Variants in CIROZ observed in about 807,000 individuals in gnomAD.
The protein encoded by CIROZ is ciliated left-right organizer ZP-N domains-containing protein.
the CIROZ span, chr1:10,964,021 G>A: frequency 7.2e-6 from 10 of 1,386,514 alleles, no homozygotes; most frequent in Non-Finnish European, 9.8e-6. Context: ...TGTCTCCCTG[G>A]GCCACGTCCT....
the CIROZ span, among the ~76,000 whole-genome samples, chr1:10,975,429 A>C: frequency 8.2e-5 from 12 of 145,702 alleles, no homozygotes; most frequent in East Asian, 4.0e-4. Flanking sequence ...AAAAAAAAAA[A>C]AACACAAAAA....
the CIROZ span, among the ~76,000 whole-genome samples, chr1:10,975,873 G>A: frequency 9.8e-5 from 14 of 142,754 alleles, no homozygotes; most frequent in Non-Finnish European, 1.6e-4. Context: ...CCCGGCACAC[G>A]ACACACGCTC....
At chr1:10,966,548 A>G in the CIROZ span, 19 of 1,452,042 alleles carry the variant, frequency 1.3e-5, no homozygotes, top group Admixed American at 2.6e-5. Context: ...GCAGGGTCAG[A>G]AATATCAGAC....
the CIROZ span, among the ~76,000 whole-genome samples, chr1:10,947,341 G>A: frequency 1.3e-5 from 2 of 152,244 alleles, no homozygotes; most frequent in Admixed American, 1.3e-4. Context: ...CCTGCACTCA[G>A]CGCCTCTTCC....
the CIROZ span, among the ~76,000 whole-genome samples, chr1:10,969,149 G>A: frequency 6.6e-6 from 1 of 152,088 alleles, no homozygotes; most frequent in Non-Finnish European, 1.5e-5. Flanking sequence ...TCCCTAGGAG[G>A]TTTTCCTAGA....
the CIROZ span, among the ~76,000 whole-genome samples, chr1:10,969,710 G>A: frequency 6.6e-6 from 1 of 152,188 alleles, no homozygotes; most frequent in African/African-American, 2.4e-5. Context: ...GCCTTCTGTT[G>A]GGAAGAGGGG....
chr1:10,964,321 TTAA>T, the CIROZ span: 3 of 1,549,868 alleles, frequency 1.9e-6, no homozygotes, highest in African/African-American at 4.1e-5. Flanking sequence ...GAAAATACAG[TTAA>T]TAGCCTGCAA....
the CIROZ span, among the ~76,000 whole-genome samples, chr1:10,980,885 C>G: frequency 1.3e-5 from 2 of 152,240 alleles, no homozygotes; most frequent in Non-Finnish European, 2.9e-5. Flanking sequence ...GGCAATGGGT[C>G]CCCAGGACAG....
the CIROZ span, chr1:10,964,089 G>A: frequency 1.9e-6 from 3 of 1,605,608 alleles, no homozygotes; most frequent in African/African-American, 2.7e-5. Flanking sequence ...CAGCCTGGGA[G>A]GTCCCTCTGC....
chr1:10,948,649 G>A, the CIROZ span: 112 of 1,613,406 alleles, frequency 6.9e-5, no homozygotes, highest in South Asian at 6.9e-4. Flanking sequence ...GGACGTGGCC[G>A]CCAGGGACTA....
At chr1:10,957,024 C>T in the CIROZ span, 7 of 1,550,764 alleles carry the variant, frequency 4.5e-6, no homozygotes, top group South Asian at 2.4e-5. Flanking sequence ...GGGTCTTACC[C>T]GGTGGGCAAG....
chr1:10,976,255 C>A, the CIROZ span: 5 of 1,535,420 alleles, frequency 3.3e-6, no homozygotes, highest in African/African-American at 6.9e-5. Flanking sequence ...AGCCAGACGG[C>A]CCTGCGGGAG....
At chr1:10,949,951 G>T in the CIROZ span, 3 of 752,016 alleles carry the variant, frequency 4.0e-6, no homozygotes, top group East Asian at 2.8e-5. Flanking sequence ...GCAAGTCCTG[G>T]GTTGGGAAAT....
At chr1:10,954,400 G>A in the CIROZ span, among the ~76,000 whole-genome samples, 1 of 150,366 alleles carries the variant, frequency 6.7e-6, no homozygotes, top group Non-Finnish European at 1.5e-5. Flanking sequence ...GTTTCAGTGA[G>A]CCGAGATCGC....
the CIROZ span, chr1:10,949,511 GAAGAATGGTGGTGA>G: frequency 8.3e-7 from 1 of 1,200,648 alleles, no homozygotes; most frequent in African/African-American, 1.5e-5. Context: ...GCTCTCTTTG[GAAGAATGGTGGTGA>G]AAGAGAAGGG....
At chr1:10,959,550 G>A in the CIROZ span, among the ~76,000 whole-genome samples, 11 of 152,182 alleles carry the variant, frequency 7.2e-5, no homozygotes, top group South Asian at 2.1e-4. The surrounding 1 kb of genome is among the most constrained non-coding windows in gnomAD (Gnocchi z 4.3). Flanking sequence ...TTGTGGCACC[G>A]GACAGAGTCA....
chr1:10,954,880 A>T, the CIROZ span: 1 of 1,216,362 alleles, frequency 8.2e-7, no homozygotes, highest in Non-Finnish European at 1.1e-6. Context: ...GGCACGAGCC[A>T]CTGTGACTGG....
chr1:10,977,899 G>A, the CIROZ span, among the ~76,000 whole-genome samples: 1 of 152,126 alleles, frequency 6.6e-6, no homozygotes, highest in Non-Finnish European at 1.5e-5. Flanking sequence ...GCCAGGCGCT[G>A]TGGTTCACGC....
At chr1:10,957,092 C>T in the CIROZ span, 3 of 1,549,860 alleles carry the variant, frequency 1.9e-6, no homozygotes, top group Non-Finnish European at 2.6e-6. Context: ...AGGAGCTCAG[C>T]AGAGGTGTTC....
Sources: allele counts gnomAD v4.1 joint callset (sites outside exome capture counted in the v4.1 genomes callset), GRCh38; gene constraint gnomAD v4.1.1; non-coding constraint Gnocchi (gnomAD v3.1); transcripts MANE v1.5; gene names NCBI Gene and HGNC (gene_info 2026-07-23, HGNC 2026-07-21).